Variants in XDH observed in about 807,000 individuals in gnomAD.
The protein encoded by XDH is xanthine dehydrogenase/oxidase.
In XDH, 138 loss-of-function variants were observed where a neutral mutation model predicts 156.1. The observed-to-expected ratio is 0.88, with a 90% confidence interval of 0.77 to 1.02. The LOEUF is 1.02. Ranked by LOEUF, XDH falls within the 50% of genes least tolerant of loss-of-function variation. The pLI is 0.00. For missense variants in XDH, 1,849 were observed against 1,684.9 expected, an observed-to-expected ratio of 1.10 and a Z score of -1.71; for synonymous variants, 669 against 625.7, an observed-to-expected ratio of 1.07 and a Z score of -1.03.
intron 13 of XDH, among the ~76,000 whole-genome samples, chr2:31,378,649 G>A (rs889527200): frequency 6.6e-6 from 1 of 150,792 alleles, no homozygotes; most frequent in East Asian, 1.9e-4. Flanking sequence ...TCCCAGGACT[G>A]TGCCCATCCA....
intron 24 of XDH, among the ~76,000 whole-genome samples, chr2:31,363,459 T>C (rs974336516): frequency 6.6e-5 from 10 of 152,208 alleles, no homozygotes; most frequent in African/African-American, 2.4e-4. Context: ...CCTGGGCCTA[T>C]GGAATGGTAA....
rs188103299 is a variant in XDH at position 31,335,182 on chromosome 2, T to C, written c.*776A>G. 2 of 152,956 alleles carry C rather than the reference T, an allele frequency of 1.3e-5. No individual in the cohort carries two copies. The highest frequency in any genetic ancestry group is 4.8e-5 in the African/African-American group (2 of 41,572). The allele number at this position is 152,956 out of a possible 1,614,324, so 9.5% of individuals were successfully genotyped here. A position where few individuals can be genotyped will look rare whatever the true frequency, so the allele number is the denominator to read the frequency against. On this transcript the variant is annotated 3_prime_UTR_variant, in exon 36 of 36. Coordinates refer to ENST00000379416, the MANE Select transcript of XDH (RefSeq NM_000379.4). ...CACCATGCCAGGACTGATAGCATCA[T>C]TTCTAGGTGGAAATTACTTTGGCTT...
intron 23 of XDH, 129 bp downstream of exon 23, chr2:31,365,328 C>T (rs970280046): frequency 4.4e-5 from 42 of 948,634 alleles, no homozygotes; most frequent in South Asian, 3.5e-4. Flanking sequence ...TCTCTTCTTG[C>T]TATATCTTAT....
intron 12 of XDH, 148 bp downstream of exon 12, chr2:31,381,485 G>T: frequency 1.2e-6 from 1 of 823,932 alleles, no homozygotes. Flanking sequence ...CACCAAACCA[G>T]GTACATTCTC....
intron 6 of XDH, among the ~76,000 whole-genome samples, chr2:31,395,864 A>G (rs898647620): frequency 6.6e-6 from 1 of 152,148 alleles, no homozygotes; most frequent in Non-Finnish European, 1.5e-5. Flanking sequence ...AAGACTCCTA[A>G]GCTGCTTACA....
At position 31,397,677 on chromosome 2, in the gene XDH, G is replaced by A; in HGVS notation, c.486C>T (p.Thr162=). The A allele has an allele frequency of 1.2e-6, 2 of 1,614,204 alleles. No homozygotes were observed. Among genetic ancestry groups the A allele is most frequent in the Non-Finnish European group, 1.7e-6 (2 of 1,180,034 alleles). The change falls in exon 6 of 36, where the codon ACC becomes ACT. Residue 162 remains threonine, a synonymous_variant. Coordinates refer to ENST00000379416, the MANE Select transcript of XDH (RefSeq NM_000379.4). ...TGGGGTCCCCACTTACCCTGGCAAA[G>A]GTCCGGAAGCCCTGGAGGATGGGTC... ...GYRPILQGFR[T]FARDGGCCGG...
chr2:31,389,631 G>C (rs1053808086), intron 6 of XDH: 1 of 152,142 alleles, frequency 6.6e-6, no homozygotes, highest in African/African-American at 2.4e-5. Flanking sequence ...TCACAGAAGC[G>C]CCTTTTCCAG....
In XDH at chr2:31,372,249, G is replaced by C. The variant is rs374039693; in HGVS notation, c.1835C>G (p.Thr612Ser). ...NELSLRLVTS[T>S]RAHAKIKSID... ...TCACTTGATCTTGGCGTGGGCCCGG[G>C]TGCTGGTGACCAGCCGGAGAGACAG... The change falls in exon 17 of 36, where the codon ACC (threonine) becomes AGC (serine). Residue 612 changes from threonine to serine, a missense_variant. Physicochemically the swap from Thr to Ser is moderately conservative, Grantham distance 58. Coordinates refer to ENST00000379416, the MANE Select transcript of XDH (RefSeq NM_000379.4). 1 of 1,614,120 alleles carries C rather than the reference G, an allele frequency of 6.2e-7. No homozygotes were observed. The highest frequency in any genetic ancestry group is 2.2e-5 in the East Asian group (1 of 44,894).
chr2:31,352,004 T>C (rs746649199), intron 24 of XDH, among the ~76,000 whole-genome samples: 4 of 152,234 alleles, frequency 2.6e-5, no homozygotes, highest in Non-Finnish European at 4.4e-5. Context: ...CTGGTTATTA[T>C]ATGGGCTGTT....
chr2:31,378,112 A>C (rs1210385334), intron 13 of XDH, among the ~76,000 whole-genome samples: 1 of 31,800 alleles, frequency 3.1e-5, no homozygotes, highest in Non-Finnish European at 6.1e-5. Context: ...GAAAGAAAGG[A>C]AGGAAGGAAG....
At chr2:31,399,683 T>C (rs1687004192) in intron 4 of XDH, among the ~76,000 whole-genome samples, 1 of 152,168 alleles carries the variant, frequency 6.6e-6, no homozygotes, top group African/African-American at 2.4e-5. Context: ...ATGGGGGTGG[T>C]TCCCCCATCC....
rs1686269810 is a variant in XDH, at chr2:31,377,243, A to G, written c.1243-6T>C. 2 of 1,613,874 alleles carry G rather than the reference A, an allele frequency of 1.2e-6. No individual in the cohort carries two copies. The highest frequency in any genetic ancestry group is 1.7e-6 in the Non-Finnish European group (2 of 1,180,040). ...AATGCTGAGAAATACTCCCCCTAAA[A>G]GAGATCAGGAAGGTGCCTGTTTTCC... On this transcript the variant is annotated splice_polypyrimidine_tract_variant and splice_region_variant and intron_variant, in intron 13 of 35. Coordinates refer to ENST00000379416, the MANE Select transcript of XDH (RefSeq NM_000379.4).
At position 31,351,659 on chromosome 2, in the gene XDH, C is replaced by T. The variant is rs1226001118; in HGVS notation, c.2632-1436G>A. ...CTCCCTCATTTTGTTGGAGTACATCCTTTAATATCTTCATAAGAAAGGGTA... is the reference window on the plus strand; with the variant it reads ...CTCCCTCATTTTGTTGGAGTACATCTTTTAATATCTTCATAAGAAAGGGTA... On this transcript the variant is annotated intron_variant, in intron 24 of 35. Transcript: ENST00000379416. Among the ~76,000 whole-genome samples, 4 of 152,294 alleles carry T rather than the reference C, an allele frequency of 2.6e-5. No homozygotes were observed. In the East Asian group the frequency reaches 7.7e-4, roughly 29 times the overall value.
At position 31,386,460 on chromosome 2, in the gene XDH, C is replaced by G. The variant is rs776907002; in HGVS notation, c.747G>C (p.Lys249Asn). Residue 249 changes from lysine to asparagine, a missense_variant, in exon 9 of 36, where the codon AAG (lysine) becomes AAC (asparagine). Physicochemically the swap from Lys to Asn is moderately conservative, Grantham distance 94. Coordinates refer to ENST00000379416, the MANE Select transcript of XDH (RefSeq NM_000379.4). ...ASTLKELLDL[K>N]AQHPDAKLVV... The stretch of plus-strand genomic sequence containing the variant: ...CCAGCTTGGCGTCAGGGTGCTGAGC[C>G]TTGAGGTCCAGCAGCTCCTTGAGGG... The G allele has an allele frequency of 6.2e-7, 1 of 1,614,028 alleles. No individual in the cohort carries two copies. The highest frequency in any genetic ancestry group is 8.5e-7 in the Non-Finnish European group (1 of 1,180,032).
intron 13 of XDH, among the ~76,000 whole-genome samples, chr2:31,378,418 T>A (rs114281245): frequency 0.016 from 2,489 of 152,242 alleles, 35 homozygotes; most frequent in Middle Eastern, 0.045. Context: ...CAAATTCTGA[T>A]GAACACCAAA....
intron 1 of XDH, among the ~76,000 whole-genome samples, chr2:31,407,866 T>G (rs189356626): frequency 7.5e-4 from 114 of 152,348 alleles, no homozygotes; most frequent in African/African-American, 2.7e-3. Context: ...TTACACCCCA[T>G]GAGTCCAGCT....
intron 31 of XDH, among the ~76,000 whole-genome samples, chr2:31,344,144 T>C (rs1685217843): frequency 6.6e-6 from 1 of 152,178 alleles, no homozygotes; most frequent in South Asian, 2.1e-4. Flanking sequence ...GTTGCAGAAG[T>C]CATACGCTCT....
chr2:31,393,321 G>A (rs1208901495), intron 6 of XDH, among the ~76,000 whole-genome samples: 3 of 152,134 alleles, frequency 2.0e-5, no homozygotes, highest in Admixed American at 6.5e-5. Context: ...GTTGTTAGGT[G>A]CACACACATT....
Position 31,346,794 on chromosome 2 carries a change from T to G in XDH, c.3326A>C (p.Asn1109Thr), listed in dbSNP as rs45547640. 1.0e-3 allele frequency: 1,644 copies of G among 1,614,116 alleles called. 25 individuals carry two copies. The East Asian group carries it at 0.033, about 32-fold the overall frequency. ...CCAGTCTTCCCAGGAGCCACTGGGA[T>G]TCTTCTTCTTGTAGGGTTCCAGCCT... ...LKRLEPYKKK[N>T]PSGSWEDWVT... is the part of the protein sequence containing the mutation. The change falls in exon 30 of 36, where the codon AAT (asparagine) becomes ACT (threonine). Residue 1109 changes from asparagine to threonine, a missense_variant. By Grantham distance (65) the Asn-to-Thr change is moderately conservative. Transcript: ENST00000379416.
Sources: gnomAD v4.1 joint callset for allele counts (sites outside exome capture counted in the v4.1 genomes callset) on GRCh38, gnomAD v4.1.1 for gene constraint, MANE v1.5 for transcripts, NCBI Gene and HGNC (gene_info 2026-07-23, HGNC 2026-07-21) for gene names.